The following UNC5C variants were observed in gnomAD, a reference collection of about 807,000 sequenced individuals.
UNC5C encodes netrin receptor UNC5C.
A neutral mutation model predicts 99.8 loss-of-function variants in UNC5C; 47 were observed. The ratio of observed to expected loss-of-function variants is 0.47; its 90% CI spans 0.37 to 0.60. The LOEUF (loss-of-function observed/expected upper bound fraction) is 0.60. UNC5C is among the 20% of genes least tolerant of loss of function. UNC5C has a pLI of 0.00. For synonymous variants in UNC5C, 487 were observed against 452.2 expected, an observed-to-expected ratio of 1.08 and a Z score of -0.98; for missense variants, 1,062 against 1,165.9, an observed-to-expected ratio of 0.91 and a Z score of 1.30.
intron 3 of UNC5C, among the ~76,000 whole-genome samples, chr4:95,283,582 T>G (rs1741135089): frequency 6.6e-6 from 1 of 152,208 alleles, no homozygotes; most frequent in Non-Finnish European, 1.5e-5. Flanking sequence ...AGAGATGTGA[T>G]AGAAGGCAGG....
At chr4:95,317,512 G>A (rs1321205431) in intron 2 of UNC5C, among the ~76,000 whole-genome samples, 1 of 152,158 alleles carries the variant, frequency 6.6e-6, no homozygotes, top group East Asian at 1.9e-4. Flanking sequence ...TGGCTATTTT[G>A]GTTTGGCTTT....
chr4:95,192,446 T>G (rs1386036937), intron 12 of UNC5C, among the ~76,000 whole-genome samples: 5 of 94,184 alleles, frequency 5.3e-5, no homozygotes, highest in African/African-American at 8.6e-5. Context: ...CTCCTCCCCT[T>G]CTCATCTCCT....
At chr4:95,449,071 A>T (rs1023149375) in intron 1 of UNC5C, among the ~76,000 whole-genome samples, 2 of 152,162 alleles carry the variant, frequency 1.3e-5, no homozygotes, top group Non-Finnish European at 2.9e-5. Flanking sequence ...CTGGGAAAAA[A>T]AAAACAAATT....
chr4:95,219,341 T>C (rs1278862374), intron 8 of UNC5C, 28 bp from the exon 9 acceptor site: 22 of 1,594,986 alleles, frequency 1.4e-5, no homozygotes, highest in Non-Finnish European at 1.5e-5. Flanking sequence ...AATAATCCCA[T>C]TGGCATTCTC....
rs557847411 is a variant in UNC5C, at chr4:95,408,294, A to G, written c.125-72663T>C. On this transcript the variant is annotated intron_variant, in intron 1 of 15. Coordinates refer to ENST00000453304, the MANE Select transcript of UNC5C (RefSeq NM_003728.4). ...TGGAAGTATTTTTGAGACTTCTGTG[A>G]AATGAAAATACTTCTGATTGTCTAG... 2.6e-5 allele frequency among the ~76,000 whole-genome samples: 4 copies of G among 152,308 alleles called. No homozygotes were observed. In the East Asian group the frequency reaches 7.7e-4, roughly 29 times the overall value.
intron 14 of UNC5C, among the ~76,000 whole-genome samples, chr4:95,170,603 T>C (rs1736059086): frequency 6.6e-6 from 1 of 152,182 alleles, no homozygotes; most frequent in Admixed American, 6.5e-5. Context: ...TGGAAAGCTC[T>C]GGTGTGATTC....
chr4:95,521,498 A>G (rs576006491), intron 1 of UNC5C, among the ~76,000 whole-genome samples: 140 of 152,154 alleles, frequency 9.2e-4, no homozygotes, highest in South Asian at 1.9e-3. Context: ...GATTACAGGC[A>G]TGAGCCTCCA....
chr4:95,231,460 T>C (rs1422688708), intron 7 of UNC5C, among the ~76,000 whole-genome samples: 1 of 152,130 alleles, frequency 6.6e-6, no homozygotes, highest in Non-Finnish European at 1.5e-5. Context: ...CTTGGTTAGT[T>C]TTAGTAATAT....
At chr4:95,201,598 CA>C (rs1187249973) in intron 12 of UNC5C, among the ~76,000 whole-genome samples, 1 of 151,620 alleles carries the variant, frequency 6.6e-6, no homozygotes, top group Non-Finnish European at 1.5e-5. Flanking sequence ...AATATGCCTG[CA>C]GAGAGTCTTC....
At chr4:95,281,743 T>A (rs1741067145) in intron 3 of UNC5C, among the ~76,000 whole-genome samples, 1 of 152,166 alleles carries the variant, frequency 6.6e-6, no homozygotes, top group Non-Finnish European at 1.5e-5. Flanking sequence ...GAAAGATAAA[T>A]TCATTTTGGT....
At chr4:95,366,491 T>C (rs1744575555) in intron 1 of UNC5C, among the ~76,000 whole-genome samples, 1 of 152,194 alleles carries the variant, frequency 6.6e-6, no homozygotes, top group Admixed American at 6.6e-5. Context: ...TCCCAATCTC[T>C]TTCCTGGATG....
intron 12 of UNC5C, among the ~76,000 whole-genome samples, chr4:95,199,611 A>T (rs1737572287): frequency 6.6e-6 from 1 of 152,178 alleles, no homozygotes; most frequent in African/African-American, 2.4e-5. Flanking sequence ...AATTATAATA[A>T]TCAGAATTAT....
chr4:95,313,627 T>C (rs1742359465), intron 2 of UNC5C, among the ~76,000 whole-genome samples: 1 of 152,160 alleles, frequency 6.6e-6, no homozygotes, highest in African/African-American at 2.4e-5. Context: ...AAACAAGCAT[T>C]AAGAGCAATC....
rs191882552 is a variant in UNC5C at position 95,254,734 on chromosome 4, A to C, written c.595-4067T>G. On this transcript the variant is annotated intron_variant, in intron 4 of 15. Coordinates refer to ENST00000453304, the MANE Select transcript of UNC5C (RefSeq NM_003728.4). The stretch of plus-strand genomic sequence containing the variant: ...CCTTATCATCAATTACAACTCCTCC[A>C]TAAACTTAGTTCCAATTATCCTTTC... Among the ~76,000 whole-genome samples, 648 of 152,320 alleles carry C rather than the reference A, an allele frequency of 4.3e-3. 3 individuals carry two copies. Among genetic ancestry groups the C allele is most frequent in the Non-Finnish European group, 6.7e-3 (456 of 68,026 alleles).
chr4:95,176,457 T>TAACA (rs1736348764), intron 14 of UNC5C, among the ~76,000 whole-genome samples: 1 of 152,166 alleles, frequency 6.6e-6, no homozygotes, highest in Non-Finnish European at 1.5e-5. Context: ...GTTTTCCTTC[T>TAACA]AACAGACAGG....
In UNC5C at chr4:95,488,717, C is replaced by T. The variant is rs141422468; in HGVS notation, c.124+60017G>A. 5.2e-4 allele frequency among the ~76,000 whole-genome samples: 79 copies of T among 151,400 alleles called. No individual in the cohort carries two copies. In the East Asian group the frequency reaches 0.013, roughly 26 times the overall value. ...TTTCCAAAAGCTTTATGTTAACTGC[C>T]GTAATGTGCTGAAACTTTGGGACCA... On this transcript the variant is annotated intron_variant, in intron 1 of 15. Coordinates refer to ENST00000453304, the MANE Select transcript of UNC5C (RefSeq NM_003728.4).
intron 1 of UNC5C, among the ~76,000 whole-genome samples, chr4:95,441,782 T>C (rs1457640015): frequency 6.6e-6 from 1 of 152,224 alleles, no homozygotes; most frequent in Non-Finnish European, 1.5e-5. Flanking sequence ...TGATGTGACT[T>C]ACCTAACTAA....
intron 1 of UNC5C, among the ~76,000 whole-genome samples, chr4:95,437,709 G>T (rs891309588): frequency 2.0e-5 from 3 of 151,852 alleles, no homozygotes; most frequent in African/African-American, 7.3e-5. Flanking sequence ...GAATTACCTG[G>T]GCCCTATTAT....
chr4:95,447,130 C>T (rs1364070671), intron 1 of UNC5C, among the ~76,000 whole-genome samples: 7 of 152,068 alleles, frequency 4.6e-5, no homozygotes. Flanking sequence ...CTTCTTAGAT[C>T]TGAATCTATT....
Sources: gnomAD v4.1 joint callset for allele counts (sites outside exome capture counted in the v4.1 genomes callset) on GRCh38, gnomAD v4.1.1 for gene constraint, MANE v1.5 for transcripts, NCBI Gene and HGNC (gene_info 2026-07-23, HGNC 2026-07-21) for gene names.